Variants in GABRG3 observed in about 807,000 individuals in gnomAD.
GABRG3 encodes gamma-aminobutyric acid type A receptor subunit gamma3.
GABRG3 carries 25 observed loss-of-function variants against 48.8 expected under a neutral mutation model. The observed-to-expected ratio is 0.51, with a 90% CI of 0.37 to 0.72. The LOEUF is 0.72. Ranked by LOEUF, GABRG3 falls within the 30% of genes least tolerant of loss-of-function variation. GABRG3 has a pLI of 0.00. For synonymous variants in GABRG3, 227 were observed against 217.6 expected (o/e 1.04, Z -0.38); for missense variants, 394 against 577.9 (o/e 0.68, Z 3.26).
intron 3 of GABRG3, among the ~76,000 whole-genome samples, chr15:27,229,222 A>G (rs1467984825): frequency 6.6e-6 from 1 of 152,162 alleles, no homozygotes; most frequent in Non-Finnish European, 1.5e-5. Context: ...TCTTCAATCC[A>G]TCTTGAGTTG....
intron 9 of GABRG3, among the ~76,000 whole-genome samples, chr15:27,529,077 C>T (rs986074073): frequency 6.6e-6 from 1 of 152,028 alleles, no homozygotes; most frequent in African/African-American, 2.4e-5. Flanking sequence ...ATGACATGAC[C>T]ACCCTCACTT....
intron 3 of GABRG3, among the ~76,000 whole-genome samples, chr15:27,142,329 C>G (rs539597701): frequency 6.6e-6 from 1 of 152,304 alleles, no homozygotes; most frequent in African/African-American, 2.4e-5. Context: ...TACAGTTCCA[C>G]GTGGCTGGGT....
At chr15:27,240,423 G>A (rs925477044) in intron 3 of GABRG3, among the ~76,000 whole-genome samples, 11 of 152,110 alleles carry the variant, frequency 7.2e-5, no homozygotes, top group African/African-American at 2.7e-4. Flanking sequence ...TGCAAATGAC[G>A]ACTCCATCCA....
intron 3 of GABRG3, among the ~76,000 whole-genome samples, chr15:27,101,766 C>G (rs1195519299): frequency 6.7e-6 from 1 of 149,232 alleles, no homozygotes; most frequent in Non-Finnish European, 1.5e-5. Flanking sequence ...TCTCGGCTTC[C>G]CTGGGCCACA....
At chr15:27,012,591 A>G (rs1023387502) in intron 2 of GABRG3, among the ~76,000 whole-genome samples, 2 of 152,146 alleles carry the variant, frequency 1.3e-5, no homozygotes, top group Non-Finnish European at 2.9e-5. Context: ...TCAAGGCTGT[A>G]TTAACTCTAT....
intron 3 of GABRG3, among the ~76,000 whole-genome samples, chr15:27,232,081 T>C (rs766122759): frequency 9.9e-5 from 15 of 152,226 alleles, no homozygotes; most frequent in Non-Finnish European, 2.1e-4. Flanking sequence ...GTAAAAATAC[T>C]TTTTTAATAT....
At chr15:27,328,766 G>T in intron 4 of GABRG3, 40 bp from the exon 5 acceptor site, 1 of 1,585,234 alleles carries the variant, frequency 6.3e-7, no homozygotes, top group Non-Finnish European at 8.7e-7. Flanking sequence ...CTTGCCCTGT[G>T]CTGTGTGCTG....
chr15:27,001,888 G>GTT (rs60516105), intron 2 of GABRG3, among the ~76,000 whole-genome samples: 10 of 121,182 alleles, frequency 8.3e-5, no homozygotes, highest in Admixed American at 8.5e-5. Context: ...CCATAACTCA[G>GTT]TTTTTTTTTT....
intron 3 of GABRG3, among the ~76,000 whole-genome samples, chr15:27,098,732 G>A (rs1390272541): frequency 3.3e-5 from 5 of 152,034 alleles, no homozygotes; most frequent in East Asian, 3.9e-4. Context: ...TTCATATGTG[G>A]CAAATTATCA....
At chr15:27,090,580 G>C (rs372232361) in intron 3 of GABRG3, among the ~76,000 whole-genome samples, 44 of 152,010 alleles carry the variant, frequency 2.9e-4, no homozygotes, top group Middle Eastern at 6.9e-3. Context: ...CATCCTAGTG[G>C]CTGTGAGGAG....
intron 3 of GABRG3, among the ~76,000 whole-genome samples, chr15:27,041,826 G>A (rs140205404): frequency 1.8e-4 from 28 of 152,244 alleles, no homozygotes; most frequent in African/African-American, 6.5e-4. Flanking sequence ...ACAGCAAGAG[G>A]AGAGGTGCCA....
At chr15:27,146,107 G>C (rs181467589) in intron 3 of GABRG3, among the ~76,000 whole-genome samples, 1 of 152,088 alleles carries the variant, frequency 6.6e-6, no homozygotes, top group African/African-American at 2.4e-5. Context: ...AAATACTAAA[G>C]AGGGACTATA....
chr15:27,001,891 T>TTTTTTTTTTTTG, intron 2 of GABRG3, among the ~76,000 whole-genome samples: 1 of 150,218 alleles, frequency 6.7e-6, no homozygotes, highest in South Asian at 2.1e-4. Context: ...TAACTCAGTT[T>TTTTTTTTTTTTG]TTTTTTTTTT....
Position 26,976,950 on chromosome 15 carries a change from C to T in GABRG3, c.54-52C>T, listed in dbSNP as rs1894960746. ...TTGGATAGGACAAACTTAGGCTCTT[C>T]CTAGAGCCATTGCTGCCACTTATAT... On this transcript the variant is annotated intron_variant, in intron 1 of 9. Coordinates refer to ENST00000615808, the MANE Select transcript of GABRG3 (RefSeq NM_033223.5). The surrounding 1 kb of genome is among the most constrained non-coding windows in gnomAD (Gnocchi z 7.8). The T allele has an allele frequency of 1.2e-6, 2 of 1,601,288 alleles. No homozygotes were observed. The highest frequency in any genetic ancestry group is 8.6e-7 in the Non-Finnish European group (1 of 1,169,300).
At chr15:27,101,193 A>G (rs1422907609) in intron 3 of GABRG3, among the ~76,000 whole-genome samples, 1 of 152,236 alleles carries the variant, frequency 6.6e-6, no homozygotes, top group African/African-American at 2.4e-5. Context: ...AATTAAAAAC[A>G]TAATAGTTTT....
At chr15:27,343,198 G>A (rs1185323203) in intron 5 of GABRG3, among the ~76,000 whole-genome samples, 1 of 152,170 alleles carries the variant, frequency 6.6e-6, no homozygotes, top group Non-Finnish European at 1.5e-5. Context: ...CTGGGAGCCA[G>A]CACCTCCCCC....
chr15:27,222,297 C>T (rs149748357), intron 3 of GABRG3, among the ~76,000 whole-genome samples: 259 of 152,318 alleles, frequency 1.7e-3, no homozygotes, highest in African/African-American at 5.6e-3. Context: ...CAGCAGTGCA[C>T]CCACATGCAA....
chr15:27,357,876 T>C (rs939651466), intron 5 of GABRG3, among the ~76,000 whole-genome samples: 2 of 152,236 alleles, frequency 1.3e-5, no homozygotes, highest in African/African-American at 4.8e-5. Flanking sequence ...CTCTATACTA[T>C]TCATATCTTG....
At chr15:27,489,939 C>G (rs1411365181) in intron 6 of GABRG3, among the ~76,000 whole-genome samples, 4 of 152,164 alleles carry the variant, frequency 2.6e-5, no homozygotes, top group East Asian at 1.9e-4. Flanking sequence ...GTCATGAAGT[C>G]TTTGCCCATG....
Sources: allele counts gnomAD v4.1 joint callset (sites outside exome capture counted in the v4.1 genomes callset), GRCh38; gene constraint gnomAD v4.1.1; non-coding constraint Gnocchi (gnomAD v3.1); transcripts MANE v1.5; gene names NCBI Gene and HGNC (gene_info 2026-07-23, HGNC 2026-07-21).